Variants in CABIN1 observed in about 807,000 individuals in gnomAD.
CABIN1 encodes calcineurin-binding protein cabin-1.
CABIN1 carries 133 observed loss-of-function variants against 227.7 expected under a neutral mutation model. That is an observed-to-expected ratio of 0.58 (90% CI 0.51 to 0.67). CABIN1 has a LOEUF of 0.67. CABIN1 is among the 30% of genes least tolerant of loss of function. CABIN1 has a pLI of 0.00. For synonymous variants in CABIN1, 1,086 were observed against 1,155.1 expected, an observed-to-expected ratio of 0.94 and a Z score of 1.21; for missense variants, 2,408 against 2,852.5, an observed-to-expected ratio of 0.84 and a Z score of 3.55.
At chr22:24,123,921 C>T (rs530812082) in intron 28 of CABIN1, among the ~76,000 whole-genome samples, 3 of 152,362 alleles carry the variant, frequency 2.0e-5, no homozygotes, top group East Asian at 3.9e-4. Flanking sequence ...GGCCCACAAG[C>T]AGAGCCTGCC....
intron 33 of CABIN1, among the ~76,000 whole-genome samples, chr22:24,170,287 T>C (rs1413638193): frequency 6.6e-6 from 1 of 152,184 alleles, no homozygotes; most frequent in Non-Finnish European, 1.5e-5. Flanking sequence ...GGCCATTTCC[T>C]GCCATCAGAG....
intron 8 of CABIN1, among the ~76,000 whole-genome samples, chr22:24,054,645 G>C (rs1185712236): frequency 6.6e-6 from 1 of 152,202 alleles, no homozygotes; most frequent in Non-Finnish European, 1.5e-5. Flanking sequence ...GCAGGTGGAT[G>C]CCAGGTCCCT....
At chr22:24,014,755 G>T (rs557745897) in intron 1 of CABIN1, among the ~76,000 whole-genome samples, 152 of 152,266 alleles carry the variant, frequency 1.0e-3, no homozygotes, top group African/African-American at 3.5e-3. Flanking sequence ...ACTCAGAGAA[G>T]TGTCTTTCCC....
chr22:24,054,974 A>G lies in CABIN1; in HGVS notation c.908A>G (p.Tyr303Cys), dbSNP rs1312639808. 6.2e-7 allele frequency: 1 copy of G among 1,614,180 alleles called. No homozygotes were observed. Among genetic ancestry groups the G allele is most frequent in the Non-Finnish European group, 8.5e-7 (1 of 1,180,016 alleles). Residue 303 changes from tyrosine (Y) to cysteine (C), a missense_variant, in exon 9 of 37, where the codon TAC (tyrosine) becomes TGC (cysteine). Around this residue, in one of 3 missense-constraint regions of CABIN1, gnomAD observed 1,045 missense variants for 1,168.4 expected, o/e 0.89. Coordinates refer to ENST00000263119, the MANE Select transcript of CABIN1 (RefSeq NM_012295.4). ...GGCAAAAGGATTGATTTGTCGGACTACCAGGACCCCAGCCAGCCTCTTGAG... is the reference window on the plus strand; with the variant it reads ...GGCAAAAGGATTGATTTGTCGGACTGCCAGGACCCCAGCCAGCCTCTTGAG... ...SLGKRIDLSD[Y>C]QDPSQPLESS...
intron 29 of CABIN1, among the ~76,000 whole-genome samples, chr22:24,152,083 C>T (rs919683802): frequency 1.3e-5 from 2 of 152,182 alleles, no homozygotes; most frequent in African/African-American, 4.8e-5. Context: ...CACCAGGTGC[C>T]GCATGTGCCG....
At chr22:24,172,963 C>T (rs2046905547) in intron 34 of CABIN1, 1 of 152,240 alleles carries the variant, frequency 6.6e-6, no homozygotes, top group Admixed American at 6.5e-5. Flanking sequence ...TATTCCCTAA[C>T]TAATTTGTCT....
chr22:24,110,945 C>A (rs183412000), intron 26 of CABIN1, among the ~76,000 whole-genome samples: 4 of 150,452 alleles, frequency 2.7e-5, no homozygotes, highest in Admixed American at 2.0e-4. Context: ...GATTTGATGT[C>A]TTTTATTATT....
Position 24,162,938 on chromosome 22 carries a change from G to A in CABIN1, c.4747-1462G>A, listed in dbSNP as rs144131046. Among the ~76,000 whole-genome samples the A allele has an allele frequency of 1.6e-4, 25 of 152,338 alleles. No individual in the cohort carries two copies. The East Asian group carries it at 4.6e-3, about 28-fold the overall frequency. Reference sequence around the variant, plus strand: ...AGGGTCTTCAGCGGGACGTACTGCTGCAGCACAGCGGATGGAGACCCAGGA... The same window carrying A: ...AGGGTCTTCAGCGGGACGTACTGCTACAGCACAGCGGATGGAGACCCAGGA... On this transcript the variant is annotated intron_variant, in intron 29 of 36. Transcript: ENST00000263119.
intron 24 of CABIN1, 120 bp from the exon 25 acceptor site, chr22:24,095,811 A>G (rs2041857204): frequency 9.7e-7 from 1 of 1,035,296 alleles, no homozygotes; most frequent in African/African-American, 1.6e-5. Context: ...AACAAAAACA[A>G]GCAGTGTGTG....
intron 1 of CABIN1, among the ~76,000 whole-genome samples, chr22:24,018,156 G>C (rs2035440776): frequency 6.6e-6 from 1 of 152,112 alleles, no homozygotes; most frequent in Non-Finnish European, 1.5e-5. Context: ...TGCCCATCCT[G>C]TTTCTCAGTT....
In CABIN1 at chr22:24,099,131, A is replaced by G. The variant is rs186401497; in HGVS notation, c.4117+939A>G. Among the ~76,000 whole-genome samples the G allele has an allele frequency of 1.1e-4, 17 of 152,230 alleles. No individual in the cohort carries two copies. The East Asian group carries it at 3.3e-3, about 29-fold the overall frequency. ...TAGCCTTGAAGTTCAGTCCCAGTAC[A>G]GGTCTGGGGGGGGCCACCACCTTCG... On this transcript the variant is annotated intron_variant, in intron 26 of 36. Coordinates refer to ENST00000263119, the MANE Select transcript of CABIN1 (RefSeq NM_012295.4).
chr22:24,033,357 T>A (rs2036631102), intron 1 of CABIN1, among the ~76,000 whole-genome samples: 1 of 152,080 alleles, frequency 6.6e-6, no homozygotes, highest in Admixed American at 6.5e-5. Context: ...AGAGACAGGG[T>A]CTCACCTTAT....
intron 1 of CABIN1, among the ~76,000 whole-genome samples, chr22:24,031,060 T>C (rs2036457204): frequency 6.6e-6 from 1 of 152,216 alleles, no homozygotes; most frequent in Admixed American, 6.5e-5. Context: ...ATTGATGTTC[T>C]CCCACCCATG....
At chr22:24,135,139 C>T (rs1474946658) in intron 29 of CABIN1, among the ~76,000 whole-genome samples, 1 of 151,496 alleles carries the variant, frequency 6.6e-6, no homozygotes, top group African/African-American at 2.4e-5. Flanking sequence ...GCCTGTAATC[C>T]CAGCACTTTG....
At chr22:24,077,413 A>T (rs140204149) in intron 19 of CABIN1, among the ~76,000 whole-genome samples, 2 of 152,312 alleles carry the variant, frequency 1.3e-5, no homozygotes, top group African/African-American at 4.8e-5. Context: ...GAGCTCATGT[A>T]TGTATAGAGC....
chr22:24,056,359 A>C lies in CABIN1; in HGVS notation c.1261A>C (p.Arg421=). The C allele has an allele frequency of 1.2e-6, 2 of 1,613,912 alleles. No individual in the cohort carries two copies. ...GCTTCTGATGAAGTTCTTGCCGTCC[A>C]GGTACTGTGTATTTTTTCTGATTGT... The part of the protein sequence containing the change: ...QELLMKFLPS[R]LRKLDPEEED... The change falls in exon 10 of 37, where the codon AGG becomes CGG. Residue 421 remains arginine, a splice_region_variant and synonymous_variant. Transcript: ENST00000263119.
chr22:24,076,969 G>A (rs2040486194), intron 19 of CABIN1, among the ~76,000 whole-genome samples: 1 of 152,188 alleles, frequency 6.6e-6, no homozygotes, highest in Non-Finnish European at 1.5e-5. Flanking sequence ...GTTCTATTGG[G>A]ATATAACCAT....
In CABIN1 at chr22:24,178,274, G is replaced by A. The variant is rs1223685648; in HGVS notation, c.*78G>A. On this transcript the variant is annotated 3_prime_UTR_variant, in exon 37 of 37. Coordinates refer to ENST00000263119, the MANE Select transcript of CABIN1 (RefSeq NM_012295.4). ...TGCCCCCTGGGCAGGACCCTGGGCA[G>A]GACCAGAGGCCCACATGGATGCCAC... The A allele has an allele frequency of 3.3e-5, 52 of 1,572,208 alleles. No individual in the cohort carries two copies. The highest frequency in any genetic ancestry group is 4.3e-5 in the Non-Finnish European group (50 of 1,154,084).
chr22:24,116,570 G>T (rs2147856819), intron 27 of CABIN1, among the ~76,000 whole-genome samples: 1 of 152,326 alleles, frequency 6.6e-6, no homozygotes, highest in South Asian at 2.1e-4. Flanking sequence ...ATCCTCACTG[G>T]GCTCTTTTCT....
Sources: allele counts gnomAD v4.1 joint callset (sites outside exome capture counted in the v4.1 genomes callset), GRCh38; gene constraint gnomAD v4.1.1; regional missense constraint gnomAD v4.1.1; transcripts MANE v1.5; gene names NCBI Gene and HGNC (gene_info 2026-07-23, HGNC 2026-07-21).